Variants in PARP14 observed in about 807,000 individuals in gnomAD.
PARP14 encodes protein mono-ADP-ribosyltransferase PARP14.
In PARP14, 59 loss-of-function variants were observed where a neutral mutation model predicts 154.2. That is an observed-to-expected ratio of 0.38 (90% CI 0.31 to 0.48). The LOEUF is 0.48. PARP14 is among the 20% of genes least tolerant of loss of function. PARP14 has a pLI of 0.98. For synonymous variants in PARP14, 720 were observed against 780.5 expected, an observed-to-expected ratio of 0.92 and a Z score of 1.29; for missense variants, 1,734 against 2,131.6, an observed-to-expected ratio of 0.81 and a Z score of 3.67.
chr3:122,703,205 T>C (rs964630070), intron 6 of PARP14, among the ~76,000 whole-genome samples: 7 of 152,132 alleles, frequency 4.6e-5, no homozygotes, highest in African/African-American at 1.7e-4. Context: ...CCGATTAATC[T>C]GCTCACATTC....
chr3:122,724,341 C>T (rs1199232541), intron 15 of PARP14, among the ~76,000 whole-genome samples: 1 of 150,802 alleles, frequency 6.6e-6, no homozygotes. Flanking sequence ...CTCTGTCATT[C>T]CAGCTGGAGT....
chr3:122,696,593 G>A (rs1039730149), intron 5 of PARP14, among the ~76,000 whole-genome samples: 1 of 152,040 alleles, frequency 6.6e-6, no homozygotes, highest in African/African-American at 2.4e-5. Flanking sequence ...GGAGAGAGAG[G>A]GGTACATAAA....
In PARP14 at chr3:122,727,948, A is replaced by G. The variant is rs779904383; in HGVS notation, c.5078A>G (p.Asn1693Ser). The change falls in exon 16 of 17, where the codon AAT becomes AGT. Residue 1693 changes from asparagine (N) to serine (S), a missense_variant. Asn to Ser is a conservative substitution (Grantham distance 46, BLOSUM62 1). Transcript: ENST00000474629. Reference protein sequence around the residue: ...GTDAGSVPHVNRNGFNRSYAG... With the variant: ...GTDAGSVPHVSRNGFNRSYAG... ...GATGCCGGCTCCGTGCCACACGTCA[A>G]TCGAAATGGCTTTAACCGCAGCTAT... 16 of 1,613,406 alleles carry G rather than the reference A, an allele frequency of 9.9e-6. No individual in the cohort carries two copies. The highest frequency in any genetic ancestry group is 1.2e-5 in the Non-Finnish European group (14 of 1,179,690).
At chr3:122,715,598 CTAT>C (rs1932974385) in intron 12 of PARP14, among the ~76,000 whole-genome samples, 5 of 29,522 alleles carry the variant, frequency 1.7e-4, no homozygotes, top group South Asian at 2.0e-3. Context: ...TACCAGTCAT[CTAT>C]CTATCTATCT....
At chr3:122,717,781 G>A (rs1463813152) in intron 12 of PARP14, among the ~76,000 whole-genome samples, 1 of 152,230 alleles carries the variant, frequency 6.6e-6, no homozygotes, top group East Asian at 1.9e-4. Flanking sequence ...AACACAATGA[G>A]CTGGGATCAG....
chr3:122,720,868 A>G (rs553124557), intron 15 of PARP14: 1 of 456,674 alleles, frequency 2.2e-6, no homozygotes, highest in African/African-American at 2.0e-5. Flanking sequence ...AGCTATTGGG[A>G]GGCTGAGGTG....
At chr3:122,704,866 G>A (rs1939102726) in intron 8 of PARP14, 118 bp downstream of exon 8, 1 of 629,444 alleles carries the variant, frequency 1.6e-6, no homozygotes, top group South Asian at 2.1e-5. Flanking sequence ...AAAGTAAGAA[G>A]GTAGTTTATA....
intron 4 of PARP14, among the ~76,000 whole-genome samples, chr3:122,694,038 C>G (rs116832169): frequency 2.0e-5 from 3 of 152,230 alleles, no homozygotes; most frequent in Non-Finnish European, 4.4e-5. Context: ...AGGCACTGGT[C>G]TAGGTGCTGT....
chr3:122,682,881 G>A (rs1415425362), intron 1 of PARP14, among the ~76,000 whole-genome samples: 2 of 152,040 alleles, frequency 1.3e-5, no homozygotes, highest in Non-Finnish European at 2.9e-5. Flanking sequence ...GTGAAACCCT[G>A]TCTCTACTAA....
In PARP14 at chr3:122,695,503, G is replaced by T. The variant is rs1289317551; in HGVS notation, c.676G>T (p.Val226Leu). The T allele has an allele frequency of 6.2e-7, 1 of 1,610,358 alleles. No homozygotes were observed. The highest frequency in any genetic ancestry group is 8.5e-7 in the Non-Finnish European group (1 of 1,177,736). Residue 226 changes from valine (V) to leucine (L), a missense_variant, in exon 5 of 17, where the codon GTG (valine) becomes TTG (leucine). Val to Leu is a conservative substitution (Grantham distance 32, BLOSUM62 1). Around this residue, in one of 2 missense-constraint regions of PARP14, gnomAD observed 1,646 missense variants for 1,976.0 expected, o/e 0.83. Coordinates refer to ENST00000474629, the MANE Select transcript of PARP14 (RefSeq NM_017554.3). ...QLQLSPRLLE[V>L]TNTIRVENLP... ...TCAGCTTTCTCCAAGACTTCTGGAA[G>T]TGACAAACACAATCAGGGTTGAAAA...
chr3:122,707,777 C>T (rs1011946590), intron 8 of PARP14, among the ~76,000 whole-genome samples: 104 of 152,046 alleles, frequency 6.8e-4, no homozygotes, highest in African/African-American at 2.3e-3. Context: ...CCAGCCTGGG[C>T]GACACCCCAG....
chr3:122,708,089 T>A, intron 8 of PARP14, 101 bp from the exon 9 acceptor site: 1 of 607,160 alleles, frequency 1.6e-6, no homozygotes, highest in Non-Finnish European at 2.9e-6. Context: ...AATGGTTATC[T>A]CCCAAATATG....
intron 12 of PARP14, among the ~76,000 whole-genome samples, chr3:122,717,675 A>G (rs1933032619): frequency 6.6e-6 from 1 of 152,232 alleles, no homozygotes. Context: ...AAAGTATTTT[A>G]TGTCAACATA....
intron 12 of PARP14, among the ~76,000 whole-genome samples, chr3:122,715,873 A>G (rs1356373804): frequency 6.6e-6 from 1 of 152,158 alleles, no homozygotes; most frequent in Non-Finnish European, 1.5e-5. Flanking sequence ...ACAAAGAAAG[A>G]AGGTAGGTTT....
intron 12 of PARP14, among the ~76,000 whole-genome samples, chr3:122,716,185 A>G (rs1030384645): frequency 6.6e-6 from 1 of 152,228 alleles, no homozygotes; most frequent in Non-Finnish European, 1.5e-5. Flanking sequence ...AGACACCTGC[A>G]TAAGAGGAGA....
At position 122,700,173 on chromosome 3, in the gene PARP14, C is replaced by T. The variant is rs1191387993; in HGVS notation, c.1619C>T (p.Pro540Leu). ...GCTCAGAAAAACATTCAGGTTTCTCCTGAGATTTTTCAGTTTTTGCAACAG... is the reference window on the plus strand; with the variant it reads ...GCTCAGAAAAACATTCAGGTTTCTCTTGAGATTTTTCAGTTTTTGCAACAG... ...TMAQKNIQVS[P>L]EIFQFLQQVN... Residue 540 changes from proline (P) to leucine (L), a missense_variant, in exon 6 of 17, where the codon CCT (proline) becomes CTT (leucine). Coordinates refer to ENST00000474629, the MANE Select transcript of PARP14 (RefSeq NM_017554.3). The T allele has an allele frequency of 6.2e-7, 1 of 1,612,890 alleles. No homozygotes were observed. Among genetic ancestry groups the T allele is most frequent in the East Asian group, 2.2e-5 (1 of 44,860 alleles).
intron 4 of PARP14, among the ~76,000 whole-genome samples, chr3:122,693,331 A>G (rs1000936115): frequency 9.2e-5 from 14 of 152,158 alleles, no homozygotes; most frequent in African/African-American, 3.4e-4. Context: ...ACATTTTCCA[A>G]TTCTAAGCCT....
chr3:122,685,175 G>A lies in PARP14; in HGVS notation c.188-10G>A. ...TCATTTGTCTTTTTTCCCCCCTTTGGACATTTCAGTTCGGCAGAAGGTTCT... is the reference window on the plus strand; with the variant it reads ...TCATTTGTCTTTTTTCCCCCCTTTGAACATTTCAGTTCGGCAGAAGGTTCT... On this transcript the variant is annotated splice_polypyrimidine_tract_variant and intron_variant, in intron 1 of 16. Coordinates refer to ENST00000474629, the MANE Select transcript of PARP14 (RefSeq NM_017554.3). 6.2e-7 allele frequency: 1 copy of A among 1,613,206 alleles called. No homozygotes were observed. Among genetic ancestry groups the A allele is most frequent in the Non-Finnish European group, 8.5e-7 (1 of 1,179,402 alleles).
At chr3:122,710,521 T>C (rs1939291072) in intron 9 of PARP14, among the ~76,000 whole-genome samples, 1 of 152,116 alleles carries the variant, frequency 6.6e-6, no homozygotes, top group African/African-American at 2.4e-5. Context: ...TTTTGCTTAG[T>C]CTTGCTTGGC....
Sources: gnomAD v4.1 joint callset for allele counts (sites outside exome capture counted in the v4.1 genomes callset) on GRCh38, gnomAD v4.1.1 for gene constraint, gnomAD v4.1.1 regional missense constraint, MANE v1.5 for transcripts, NCBI Gene and HGNC (gene_info 2026-07-23, HGNC 2026-07-21) for gene names.